ADAMTS2: variants seen among roughly 807,000 people sequenced by gnomAD.
ADAMTS2 encodes the protein A disintegrin and metalloproteinase with thrombospondin motifs 2.
A neutral mutation model predicts 123.0 loss-of-function variants in ADAMTS2; 50 were observed. That is an observed-to-expected ratio of 0.41 (90% confidence interval 0.32 to 0.51). ADAMTS2 has a LOEUF of 0.51. ADAMTS2 is among the 20% of genes least tolerant of loss of function. The pLI is 0.35. For synonymous variants in ADAMTS2, 678 were observed against 695.4 expected, an observed-to-expected ratio of 0.98 and a Z score of 0.39; for missense variants, 1,494 against 1,705.2, an observed-to-expected ratio of 0.88 and a Z score of 2.18.
rs1561674306 is a variant in ADAMTS2, at chr5:179,277,300, GCCCCGAGACCAAAGGCTGACA to G, written c.535-4257_535-4237del. On this transcript the variant is annotated intron_variant, in intron 2 of 21. Transcript: ENST00000251582. ...CTGGACGATGAACATGGTGGCACCT[GCCCCGAGACCAAAGGCTGACA>G]CCCCGAGACCAAAGGCTGACCCCCC... 1.1e-4 allele frequency among the ~76,000 whole-genome samples: 16 copies of G among 148,188 alleles called. 2 individuals are homozygous for G. The highest frequency in any genetic ancestry group is 1.6e-4 in the Non-Finnish European group (11 of 67,164).
At chr5:179,324,413 C>CA (rs1757260315) in intron 2 of ADAMTS2, among the ~76,000 whole-genome samples, 1 of 125,746 alleles carries the variant, frequency 8.0e-6, no homozygotes, top group Admixed American at 8.7e-5. Context: ...TTTTTTGAGA[C>CA]AGAGTCTCAC....
intron 4 of ADAMTS2, among the ~76,000 whole-genome samples, chr5:179,204,735 G>A (rs72818634): frequency 0.14 from 20,808 of 152,214 alleles, 1,542 homozygotes; most frequent in African/African-American, 0.17. Context: ...TATCTCCCTC[G>A]CCCACGCTGC....
rs530690978 is a variant in ADAMTS2 at position 179,140,985 on chromosome 5, T to C, written c.1630-950A>G. 1.1e-4 allele frequency among the ~76,000 whole-genome samples: 17 copies of C among 151,772 alleles called. No individual in the cohort carries two copies. The South Asian group carries it at 3.3e-3, about 30-fold the overall frequency. ...CAGCTAATTTTTGCATTTTTTTTTTTTTTATTTTTAGTAGACACAGGGTTT... is the reference window on the plus strand; with the variant it reads ...CAGCTAATTTTTGCATTTTTTTTTTCTTTATTTTTAGTAGACACAGGGTTT... On this transcript the variant is annotated intron_variant, in intron 10 of 21. Transcript: ENST00000251582.
intron 3 of ADAMTS2, among the ~76,000 whole-genome samples, chr5:179,233,187 T>C (rs1326562324): frequency 1.3e-5 from 2 of 152,200 alleles, no homozygotes; most frequent in Non-Finnish European, 2.9e-5. Context: ...AACTCCACAT[T>C]TTGGAATAAA....
intron 2 of ADAMTS2, among the ~76,000 whole-genome samples, chr5:179,274,642 T>C (rs900705900): frequency 2.6e-5 from 4 of 152,182 alleles, no homozygotes; most frequent in Non-Finnish European, 5.9e-5. Context: ...TGACCCCAGG[T>C]GCTCGGTGAG....
chr5:179,192,808 C>T (rs909128666), intron 4 of ADAMTS2, among the ~76,000 whole-genome samples: 3 of 152,192 alleles, frequency 2.0e-5, no homozygotes, highest in African/African-American at 7.2e-5. Context: ...AACTTCCTGG[C>T]ACCATCGTGA....
In ADAMTS2 at chr5:179,158,903, G is replaced by T; in HGVS notation, c.976-24C>A. 6.2e-7 allele frequency: 1 copy of T among 1,612,962 alleles called. No homozygotes were observed. The highest frequency in any genetic ancestry group is 8.5e-7 in the Non-Finnish European group (1 of 1,179,582). On this transcript the variant is annotated intron_variant, in intron 5 of 21. Coordinates refer to ENST00000251582, the MANE Select transcript of ADAMTS2 (RefSeq NM_014244.5). The surrounding 1 kb of genome is among the most constrained non-coding windows in gnomAD (Gnocchi z 5.0). ...GACTGCAGGGGGATGGAGAGAAATG[G>T]AAGAGAGAGGTTGGCGCCTGGTGGC...
In ADAMTS2 at chr5:179,232,827, A is replaced by G. The variant is rs1212815252; in HGVS notation, c.689-25112T>C. On this transcript the variant is annotated intron_variant, in intron 3 of 21. Coordinates refer to ENST00000251582, the MANE Select transcript of ADAMTS2 (RefSeq NM_014244.5). The stretch of plus-strand genomic sequence containing the variant: ...GTTGAACTGCAATTCCCATGTTTGT[A>G]TACATTCTTCTTCTGTTTCTTTGGT... 4.0e-5 allele frequency among the ~76,000 whole-genome samples: 6 copies of G among 151,448 alleles called. No individual in the cohort carries two copies. In the East Asian group the frequency reaches 1.2e-3, roughly 29 times the overall value.
intron 2 of ADAMTS2, among the ~76,000 whole-genome samples, chr5:179,311,563 A>G (rs1310167961): frequency 6.6e-6 from 1 of 151,954 alleles, no homozygotes. Context: ...TTTATCAAGA[A>G]CTCTGCTAAG....
intron 5 of ADAMTS2, among the ~76,000 whole-genome samples, chr5:179,167,539 G>T (rs115265071): frequency 6.6e-6 from 1 of 152,286 alleles, no homozygotes; most frequent in African/African-American, 2.4e-5. Context: ...GGAGGAAACC[G>T]GGATGGGGAT....
At chr5:179,315,609 A>G (rs184784212) in intron 2 of ADAMTS2, among the ~76,000 whole-genome samples, 1 of 152,328 alleles carries the variant, frequency 6.6e-6, no homozygotes, top group African/African-American at 2.4e-5. Flanking sequence ...TGGCGCAGGT[A>G]CTACGTTCTA....
intron 2 of ADAMTS2, among the ~76,000 whole-genome samples, chr5:179,276,140 G>A (rs1276631241): frequency 1.3e-5 from 2 of 152,198 alleles, no homozygotes; most frequent in African/African-American, 4.8e-5. Context: ...AGACTCAGCA[G>A]ATGCCTGTGG....
rs558706302 is a variant in ADAMTS2, at chr5:179,188,961, C to T, written c.892-7806G>A. On this transcript the variant is annotated intron_variant, in intron 4 of 21. Transcript: ENST00000251582. The surrounding 1 kb of genome is among the most constrained non-coding windows in gnomAD (Gnocchi z 5.1). ...CTAACGACGGCAAGAGGCTGCCCCT[C>T]CCCCTCTCCTGAATTTGGGGGGTTA... is the stretch of plus-strand genomic sequence containing the variant. Among the ~76,000 whole-genome samples, 8 of 152,238 alleles carry T rather than the reference C, an allele frequency of 5.3e-5. 1 individual carries two copies. In the South Asian group the frequency reaches 1.7e-3, roughly 32 times the overall value.
chr5:179,294,961 G>C (rs1038992734), intron 2 of ADAMTS2, among the ~76,000 whole-genome samples: 6 of 152,164 alleles, frequency 3.9e-5, no homozygotes, highest in Non-Finnish European at 8.8e-5. Flanking sequence ...CCCTCCTGTC[G>C]CTCTCAACTA....
intron 3 of ADAMTS2, among the ~76,000 whole-genome samples, chr5:179,240,037 C>T (rs1169197328): frequency 6.6e-6 from 1 of 152,148 alleles, no homozygotes; most frequent in Non-Finnish European, 1.5e-5. Flanking sequence ...AAGATGGCGT[C>T]TCCACCTAGG....
rs1443292298 is a variant in ADAMTS2 at position 179,143,894 on chromosome 5, C to A, written c.1630-3859G>T. On this transcript the variant is annotated intron_variant, in intron 10 of 21. Coordinates refer to ENST00000251582, the MANE Select transcript of ADAMTS2 (RefSeq NM_014244.5). Reference sequence around the variant, plus strand: ...TATTTGAAAATAATAAAAGAAGGTACTTTTTACACATATATTCCAATCAGA... The same window carrying A: ...TATTTGAAAATAATAAAAGAAGGTAATTTTTACACATATATTCCAATCAGA... 2.0e-5 allele frequency among the ~76,000 whole-genome samples: 3 copies of A among 152,064 alleles called. No individual in the cohort carries two copies. The South Asian group carries it at 6.2e-4, about 32-fold the overall frequency.
rs1766071800 is a variant in ADAMTS2 at position 179,256,974 on chromosome 5, C to T, written c.688+15937G>A. On this transcript the variant is annotated intron_variant, in intron 3 of 21. Coordinates refer to ENST00000251582, the MANE Select transcript of ADAMTS2 (RefSeq NM_014244.5). This position sits in a 1 kb window ranked among gnomAD's most constrained non-coding sequence, Gnocchi z 4.1. The stretch of plus-strand genomic sequence containing the variant: ...AGGTCAGGCCAGAGCAAGGACTCCG[C>T]AGGCCAGGCCCACACTGGCGGCCCC... 6.6e-6 allele frequency among the ~76,000 whole-genome samples: 1 copy of T among 152,230 alleles called. No individual in the cohort carries two copies. Among genetic ancestry groups the T allele is most frequent in the African/African-American group, 2.4e-5 (1 of 41,464 alleles).
chr5:179,319,446 A>ACATGTG (rs1757096906), intron 2 of ADAMTS2, among the ~76,000 whole-genome samples: 1 of 151,804 alleles, frequency 6.6e-6, no homozygotes, highest in Non-Finnish European at 1.5e-5. Flanking sequence ...GCACACGCCC[A>ACATGTG]CACATGTGCA....
At chr5:179,230,058 CTT>C (rs1765373689) in intron 3 of ADAMTS2, among the ~76,000 whole-genome samples, 1 of 152,208 alleles carries the variant, frequency 6.6e-6, no homozygotes, top group Non-Finnish European at 1.5e-5. Flanking sequence ...CTGTTTTTGA[CTT>C]TGTTAGAAAA....
Sources: allele counts gnomAD v4.1 joint callset (sites outside exome capture counted in the v4.1 genomes callset), GRCh38; gene constraint gnomAD v4.1.1; non-coding constraint Gnocchi (gnomAD v3.1); transcripts MANE v1.5; gene names NCBI Gene and HGNC (gene_info 2026-07-23, HGNC 2026-07-21).